Variants in MEGF6 observed in about 807,000 individuals in gnomAD.
MEGF6 encodes multiple EGF like domains 6.
In MEGF6, 184 loss-of-function variants were observed where a neutral mutation model predicts 207.1. That is an observed-to-expected ratio of 0.89 (90% CI 0.79 to 1.00). The LOEUF is 1.00. Among genes scored for constraint, MEGF6 ranks in the 50% least tolerant of loss-of-function variants. MEGF6 has a pLI of 0.00. For missense variants in MEGF6, 2,282 were observed against 2,202.9 expected (o/e 1.04, Z -0.72); for synonymous variants, 1,038 against 910.0 (o/e 1.14, Z -2.53).
In MEGF6 at chr1:3,507,895, G is replaced by C; in HGVS notation, c.1689C>G (p.Asn563Lys). The stretch of plus-strand genomic sequence containing the variant: ...TCTGACAGCTGCAGGAGAAGCTGCA[G>C]TTCTTCCCAAAGGTGTCCGGAGGAC... Reference protein sequence around the residue: ...ETCPPDTFGKNCSFSCSCQNG... With the variant: ...ETCPPDTFGKKCSFSCSCQNG... Residue 563 changes from asparagine to lysine, a missense_variant, in exon 14 of 37, where the codon AAC becomes AAG. Coordinates refer to ENST00000356575, the MANE Select transcript of MEGF6 (RefSeq NM_001409.4). The C allele has an allele frequency of 6.2e-7, 1 of 1,612,808 alleles. No individual in the cohort carries two copies. Among genetic ancestry groups the C allele is most frequent in the South Asian group, 1.1e-5 (1 of 91,078 alleles).
chr1:3,505,392 C>A (rs1641071212), intron 16 of MEGF6, 30 bp downstream of exon 16: 8 of 1,600,836 alleles, frequency 5.0e-6, no homozygotes, highest in East Asian at 4.5e-5. Context: ...CCTGGCGCCC[C>A]CCGCCCCCAG....
Position 3,514,636 on chromosome 1 carries a change from A to C in MEGF6, c.767T>G (p.Met256Arg). 1 of 1,582,044 alleles carries C rather than the reference A, an allele frequency of 6.3e-7. No individual in the cohort carries two copies. Among genetic ancestry groups the C allele is most frequent in the Non-Finnish European group, 8.6e-7 (1 of 1,166,426 alleles). ...GCCCCGGACCACCTGGCACCTGTGC[A>C]TGCAGCTGCCGTTCCTGTTGGCACA... The part of the protein sequence containing the change: ...SPCANRNGSC[M>R]HRCQVVRGLA... The change falls in exon 7 of 37, where the codon ATG becomes AGG. Residue 256 changes from methionine (M) to arginine (R), a missense_variant. By Grantham distance (91) the Met-to-Arg change is moderately conservative. Transcript: ENST00000356575.
Position 3,501,006 on chromosome 1 carries a change from G to A in MEGF6, c.2535C>T (p.Cys845=). The change falls in exon 20 of 37, where the codon TGC becomes TGT. Residue 845 remains cysteine, a synonymous_variant. Transcript: ENST00000356575. ...AGCCGGTCCACCCGGGGGCACAGCT[G>A]CAGTGTCCGGTGGCTGGGTGGCAGT... ...DGHCHPATGH[C]SCAPGWTGFS... is the part of the protein sequence containing the mutation. 1 of 1,612,482 alleles carries A rather than the reference G, an allele frequency of 6.2e-7. No individual in the cohort carries two copies. The highest frequency in any genetic ancestry group is 8.5e-7 in the Non-Finnish European group (1 of 1,179,960).
At chr1:3,604,829 G>C (rs76797542) in intron 1 of MEGF6, among the ~76,000 whole-genome samples, 1,557 of 152,168 alleles carry the variant, frequency 0.01, 36 homozygotes, top group African/African-American at 0.036. Flanking sequence ...AATAGGGGAG[G>C]GGGCAGGACC....
At chr1:3,531,000 T>C in intron 4 of MEGF6, 1 of 1,406,080 alleles carries the variant, frequency 7.1e-7, no homozygotes, top group Non-Finnish European at 9.2e-7. Flanking sequence ...TGGCGCAAAC[T>C]TTAAAAACAG....
At chr1:3,530,666 G>C (rs1473846238) in intron 4 of MEGF6, among the ~76,000 whole-genome samples, 1 of 152,220 alleles carries the variant, frequency 6.6e-6, no homozygotes, top group Admixed American at 6.5e-5. Context: ...CCACAGACAG[G>C]ACCCCAAAGG....
chr1:3,536,937 C>A (rs901361842), intron 4 of MEGF6, among the ~76,000 whole-genome samples: 1 of 152,258 alleles, frequency 6.6e-6, no homozygotes, highest in African/African-American at 2.4e-5. Context: ...CTCCGACACC[C>A]GCTCCACAAG....
chr1:3,541,681 C>T (rs569880319), intron 4 of MEGF6, among the ~76,000 whole-genome samples: 51 of 152,292 alleles, frequency 3.3e-4, no homozygotes, highest in South Asian at 1.0e-3. Context: ...GCCTTCCTCT[C>T]CCTGGGGACA....
intron 5 of MEGF6, among the ~76,000 whole-genome samples, chr1:3,517,711 C>G (rs1237493004): frequency 1.3e-4 from 20 of 152,202 alleles, no homozygotes; most frequent in Admixed American, 1.3e-3. Flanking sequence ...CCTGTTACAG[C>G]CTGCAAAGTG....
At chr1:3,523,222 C>A (rs1447133162) in intron 5 of MEGF6, among the ~76,000 whole-genome samples, 1 of 152,196 alleles carries the variant, frequency 6.6e-6, no homozygotes, top group Non-Finnish European at 1.5e-5. Flanking sequence ...AGAGAATGAC[C>A]CCCCATGCCT....
the MEGF6 span, among the ~76,000 whole-genome samples, chr1:3,623,810 C>T: frequency 0.3 from 45,027 of 151,982 alleles, 6,814 homozygotes; most frequent in Middle Eastern, 0.37. Context: ...AGGATTTTGG[C>T]CTCCCTTTTC....
Position 3,490,421 on chromosome 1 carries a change from C to T in MEGF6, c.*107G>A. 1.6e-6 allele frequency: 2 copies of T among 1,243,300 alleles called. No individual in the cohort carries two copies. Among genetic ancestry groups the T allele is most frequent in the Non-Finnish European group, 2.3e-6 (2 of 876,830 alleles). The allele number at this position is 1,243,300 out of a possible 1,614,324, so 77.0% of individuals were successfully genotyped here. A position where few individuals can be genotyped will look rare whatever the true frequency, so the allele number is the denominator to read the frequency against. The stretch of plus-strand genomic sequence containing the variant: ...CCCTCCACGGCCCTCAAAGGAAGGG[C>T]AGTACCAGGAGCTCTGGGCCCGTGA... On this transcript the variant is annotated 3_prime_UTR_variant, in exon 37 of 37. Transcript: ENST00000356575.
At chr1:3,497,599 C>T in intron 26 of MEGF6, 1 of 686,446 alleles carries the variant, frequency 1.5e-6, no homozygotes, top group Non-Finnish European at 2.7e-6. Flanking sequence ...CACAGTGAGG[C>T]CCGAATGTGC....
Position 3,498,713 on chromosome 1 carries a change from G to A in MEGF6, c.3208C>T (p.Leu1070=). Residue 1070 remains leucine (L), a synonymous_variant, in exon 25 of 37, where the codon CTG becomes TTG. Transcript: ENST00000356575. ...CAGCGCTCACCCTTCTCACAGGCCA[G>A]GCCGGCCCAGCCCTCTGGGCACGCA... is the stretch of plus-strand genomic sequence containing the variant. ...HCACPEGWAG[L]ACEKECLPRD... 6.4e-7 allele frequency: 1 copy of A among 1,568,886 alleles called. No homozygotes were observed. The highest frequency in any genetic ancestry group is 1.2e-5 in the South Asian group (1 of 86,180).
At chr1:3,557,151 G>A (rs1039427152) in intron 4 of MEGF6, among the ~76,000 whole-genome samples, 15 of 152,178 alleles carry the variant, frequency 9.9e-5, no homozygotes, top group African/African-American at 3.4e-4. Flanking sequence ...GCAGGGAGAC[G>A]GCAAGACTCT....
At chr1:3,570,792 G>A (rs764422394) in intron 4 of MEGF6, among the ~76,000 whole-genome samples, 1 of 152,104 alleles carries the variant, frequency 6.6e-6, no homozygotes, top group South Asian at 2.1e-4. Flanking sequence ...CCCCTCCACC[G>A]CCCAGCCTGG....
At chr1:3,611,720 C>A (rs1417110052), upstream of MEGF6, among the ~76,000 whole-genome samples, 1 of 56,358 alleles carries the variant, frequency 1.8e-5, no homozygotes. Flanking sequence ...CTTCCAGCCC[C>A]GCCCCTAGCC....
chr1:3,617,184 G>A, the MEGF6 span, among the ~76,000 whole-genome samples: 4 of 35,074 alleles, frequency 1.1e-4, no homozygotes, highest in Admixed American at 1.1e-3. Flanking sequence ...CTCCAACCTC[G>A]GGGGCAGCAT....
chr1:3,501,857 G>A lies in MEGF6; in HGVS notation c.2253C>T (p.Cys751=), dbSNP rs1640884956. 6.2e-7 allele frequency: 1 copy of A among 1,608,526 alleles called. No individual in the cohort carries two copies. The highest frequency in any genetic ancestry group is 8.5e-7 in the Non-Finnish European group (1 of 1,178,550). Residue 751 remains cysteine, a synonymous_variant, in exon 18 of 37, where the codon TGC becomes TGT. Transcript: ENST00000356575. The part of the protein sequence containing the change: ...SSSCSCGGAP[C]HGVTGQCRCP... ...ACCGGCACTGCCCCGTGACCCCGTG[G>A]CAGGGGGCCCCCCCACAGGAGCAGG...
Sources: gnomAD v4.1 joint callset for allele counts (sites outside exome capture counted in the v4.1 genomes callset) on GRCh38, gnomAD v4.1.1 for gene constraint, MANE v1.5 for transcripts, NCBI Gene and HGNC (gene_info 2026-07-23, HGNC 2026-07-21) for gene names.